Variants in NTRK1 observed in about 807,000 individuals in gnomAD.
The protein encoded by NTRK1 is neurotrophic receptor tyrosine kinase 1.
Under a neutral mutation model 86.8 loss-of-function variants are expected in NTRK1, and 62 were observed. The observed-to-expected ratio is 0.71, with a 90% CI of 0.58 to 0.88. NTRK1 has a LOEUF of 0.88. Ranked by LOEUF, NTRK1 falls within the 40% of genes least tolerant of loss-of-function variation. The probability of loss-of-function intolerance (pLI) is 0.00; values close to 1 mark genes in which losing one functional copy is unlikely to be tolerated. For synonymous variants in NTRK1, 469 were observed against 456.6 expected, an observed-to-expected ratio of 1.03 and a Z score of -0.35; for missense variants, 967 against 1,078.4, an observed-to-expected ratio of 0.90 and a Z score of 1.45.
At chr1:156,827,825 G>A (rs1402562636) in intron 1 of NTRK1, among the ~76,000 whole-genome samples, 2 of 152,146 alleles carry the variant, frequency 1.3e-5, no homozygotes, top group Non-Finnish European at 2.9e-5. Context: ...TCTTCCGTGG[G>A]TCTGCCATGT....
Position 156,880,096 on chromosome 1 carries a change from T to C in NTRK1, c.2144T>C (p.Val715Ala), listed in dbSNP as rs1455058410. The C allele has an allele frequency of 6.2e-7, 1 of 1,613,346 alleles. No individual in the cohort carries two copies. The highest frequency in any genetic ancestry group is 2.2e-5 in the East Asian group (1 of 44,812). The part of the protein sequence containing the change: ...TTESDVWSFG[V>A]VLWEIFTYGK... ...GAGAGCGACGTGTGGAGCTTCGGCGTGGTGCTCTGGGAGATCTTCACCTAC... is the reference window on the plus strand; with the variant it reads ...GAGAGCGACGTGTGGAGCTTCGGCGCGGTGCTCTGGGAGATCTTCACCTAC... Residue 715 changes from valine (V) to alanine (A), a missense_variant, in exon 16 of 17, where the codon GTG becomes GCG. This residue lies in a region of NTRK1 where 637 missense variants were observed against 776.5 expected (regional missense o/e 0.82). Transcript: ENST00000524377.
In NTRK1 at chr1:156,836,615, C is replaced by T. The variant is rs1034448131; in HGVS notation, c.-63-5466C>T. Among the ~76,000 whole-genome samples, 3 of 152,176 alleles carry T rather than the reference C, an allele frequency of 2.0e-5. No individual in the cohort carries two copies. The South Asian group carries it at 6.2e-4, about 32-fold the overall frequency. On this transcript the variant is annotated intron_variant, in intron 1 of 16. Transcript: ENST00000392302. ...GAGTGCCTCCCTTATGCCCCTCCCT[C>T]CTCCCTCCTCTTTCATGGTGGGAGT...
Position 156,854,330 on chromosome 1 carries a change from T to C in NTRK1, c.51-10024T>C. The C allele has an allele frequency of 6.3e-7, 1 of 1,578,902 alleles. No homozygotes were observed. ...TGTGGGCATACACGGCACGCAGCAT[T>C]GAGTACAGCCCAGGCCAAATTCCCC... On this transcript the variant is annotated intron_variant, in intron 2 of 16. Transcript: ENST00000392302. This position sits in a 1 kb window ranked among gnomAD's most constrained non-coding sequence, Gnocchi z 4.2.
intron 9 of NTRK1, 71 bp downstream of exon 9, chr1:156,874,471 T>A (rs2102909372): frequency 6.2e-7 from 1 of 1,612,018 alleles, no homozygotes; most frequent in Non-Finnish European, 8.5e-7. Context: ...AGGGTACAGC[T>A]GAACTGATCC....
In NTRK1 at chr1:156,876,413, C is replaced by A. The variant is rs763247367; in HGVS notation, c.1646C>A (p.Ala549Glu). The A allele has an allele frequency of 6.2e-7, 1 of 1,613,790 alleles. No individual in the cohort carries two copies. Among genetic ancestry groups the A allele is most frequent in the Non-Finnish European group, 8.5e-7 (1 of 1,180,010 alleles). ...GCTTCCATCCAGGCACTGAAGGAGG[C>A]GTCCGAGAGTGCTCGGCAGGACTTC... is the stretch of plus-strand genomic sequence containing the variant. ...MLVAVKALKE[A>E]SESARQDFQR... Residue 549 changes from alanine (A) to glutamate (E), a missense_variant, in exon 14 of 17, where the codon GCG becomes GAG. Transcript: ENST00000524377.
intron 2 of NTRK1, chr1:156,845,531 C>G: frequency 6.9e-7 from 1 of 1,449,222 alleles, no homozygotes; most frequent in East Asian, 2.4e-5. Flanking sequence ...AAGCAAGGCC[C>G]CACCCACAAA....
intron 12 of NTRK1, 79 bp from the exon 13 acceptor site, chr1:156,876,001 G>T: frequency 6.2e-7 from 1 of 1,605,132 alleles, no homozygotes; most frequent in Non-Finnish European, 8.5e-7. Flanking sequence ...GCAGCACACA[G>T]CCCTGCCAAG....
At chr1:156,820,162 A>G (rs1326608216) in intron 1 of NTRK1, among the ~76,000 whole-genome samples, 1 of 152,134 alleles carries the variant, frequency 6.6e-6, no homozygotes, top group African/African-American at 2.4e-5. Context: ...AAGGAGAGAG[A>G]TGGGGAACCA....
intron 2 of NTRK1, chr1:156,849,485 T>G: frequency 9.7e-7 from 1 of 1,033,948 alleles, no homozygotes; most frequent in Non-Finnish European, 1.4e-6. Context: ...GGGACCTTGC[T>G]CTGCGGGGAG....
At position 156,881,624 on chromosome 1, in the gene NTRK1, C is replaced by T. The variant is rs762539614; in HGVS notation, c.2373C>T (p.Tyr791=). 10 of 1,607,618 alleles carry T rather than the reference C, an allele frequency of 6.2e-6. No homozygotes were observed. The highest frequency in any genetic ancestry group is 5.1e-5 in the Admixed American group (3 of 59,326). ...LQALAQAPPV[Y]LDVLG is the part of the protein sequence containing the mutation. The stretch of plus-strand genomic sequence containing the variant: ...CCCTGGCCCAGGCACCTCCTGTCTA[C>T]CTGGATGTCCTGGGCTAGGGGGCCG... The change falls in exon 17 of 17, where the codon TAC becomes TAT. Residue 791 remains tyrosine (Y), a synonymous_variant. Coordinates refer to ENST00000524377, the MANE Select transcript of NTRK1 (RefSeq NM_002529.4).
upstream of NTRK1, among the ~76,000 whole-genome samples, chr1:156,855,857 A>G (rs957446735): frequency 3.3e-5 from 5 of 151,872 alleles, no homozygotes; most frequent in African/African-American, 1.2e-4. Context: ...TAAAATTGTG[A>G]CACTTTCTAC....
chr1:156,837,031 C>T (rs550247106), intron 1 of NTRK1, among the ~76,000 whole-genome samples: 1 of 152,320 alleles, frequency 6.6e-6, no homozygotes, highest in East Asian at 1.9e-4. Context: ...GCCCATCAGG[C>T]CACTTTTCAA....
intron 10 of NTRK1, 83 bp from the exon 11 acceptor site, chr1:156,874,823 C>T (rs1647796094): frequency 8.1e-7 from 1 of 1,237,912 alleles, no homozygotes; most frequent in Non-Finnish European, 1.2e-6. Context: ...GGCTCCCATG[C>T]AGGATGAAAA....
At position 156,881,743 on chromosome 1, in the gene NTRK1, T is replaced by A; in HGVS notation, c.*101T>A. The A allele has an allele frequency of 1.7e-6, 2 of 1,207,788 alleles. No individual in the cohort carries two copies. The highest frequency in any genetic ancestry group is 2.3e-6 in the Non-Finnish European group (2 of 884,430). 74.8% of individuals were successfully genotyped at this position (1,207,788 alleles called of 1,614,324 possible). ...AGCCCCAGGGTGATCTCAAAGTATCTAATTCACCCTCAGCATGTGGGAAGG... is the reference window on the plus strand; with the variant it reads ...AGCCCCAGGGTGATCTCAAAGTATCAAATTCACCCTCAGCATGTGGGAAGG... On this transcript the variant is annotated 3_prime_UTR_variant, in exon 17 of 17. Transcript: ENST00000524377.
At chr1:156,876,008 C>T (rs2102916722) in intron 12 of NTRK1, 72 bp from the exon 13 acceptor site, 1 of 1,611,584 alleles carries the variant, frequency 6.2e-7, no homozygotes, top group African/African-American at 1.3e-5. Flanking sequence ...ACAGCCCTGC[C>T]AAGACAGTCC....
intron 2 of NTRK1, chr1:156,852,128 AG>A (rs766872064): frequency 1.1e-5 from 18 of 1,613,184 alleles, no homozygotes; most frequent in Non-Finnish European, 1.7e-6. Context: ...GCAGCCCCCC[AG>A]GCATTCGGTG....
intron 1 of NTRK1, among the ~76,000 whole-genome samples, chr1:156,862,422 T>C (rs555792254): frequency 6.6e-4 from 101 of 152,222 alleles, no homozygotes; most frequent in African/African-American, 2.4e-3. Context: ...GACTCCTGAG[T>C]GCTCCCCATC....
In NTRK1 at chr1:156,868,613, T is replaced by C. The variant is rs2102894634; in HGVS notation, c.683T>C (p.Ile228Thr). 1 of 1,550,848 alleles carries C rather than the reference T, an allele frequency of 6.4e-7. No individual in the cohort carries two copies. The highest frequency in any genetic ancestry group is 2.4e-5 in the East Asian group (1 of 40,910). ...EGRGLEQAGW[I>T]LTELEQSATV... ...CGGGGCCTGGAGCAGGCCGGCTGGA[T>C]CCTCACAGAGCTGGAGCAGTCAGCC... The change falls in exon 6 of 17, where the codon ATC becomes ACC. Residue 228 changes from isoleucine to threonine, a missense_variant. This residue lies in a region of NTRK1 where 330 missense variants were observed against 302.0 expected (regional missense o/e 1.09). Transcript: ENST00000524377.
At position 156,868,599 on chromosome 1, in the gene NTRK1, G is replaced by A. The variant is rs2102894576; in HGVS notation, c.669G>A (p.Glu223=). The A allele has an allele frequency of 6.4e-7, 1 of 1,551,330 alleles. No individual in the cohort carries two copies. Reference sequence around the variant, plus strand: ...GCCAGGTGGAGGGGCGGGGCCTGGAGCAGGCCGGCTGGATCCTCACAGAGC... The same window carrying A: ...GCCAGGTGGAGGGGCGGGGCCTGGAACAGGCCGGCTGGATCCTCACAGAGC... ...LRCQVEGRGL[E]QAGWILTELE... Residue 223 remains glutamate (E), a synonymous_variant, in exon 6 of 17, where the codon GAG becomes GAA. Transcript: ENST00000524377.
Sources: gnomAD v4.1 joint callset for allele counts (sites outside exome capture counted in the v4.1 genomes callset) on GRCh38, gnomAD v4.1.1 for gene constraint, gnomAD v4.1.1 regional missense constraint, Gnocchi (gnomAD v3.1) non-coding constraint, MANE v1.5 for transcripts, NCBI Gene and HGNC (gene_info 2026-07-23, HGNC 2026-07-21) for gene names.